The following XKR6 variants were observed in gnomAD, a reference collection of about 807,000 sequenced individuals.
XKR6 encodes XK-related protein 6.
XKR6 carries 22 observed loss-of-function variants against 56.7 expected under a neutral mutation model. The ratio of observed to expected loss-of-function variants is 0.39; its 90% CI spans 0.28 to 0.55. The LOEUF (loss-of-function observed/expected upper bound fraction) is 0.55, where lower values mean the gene tolerates loss of function less well. Among genes scored for constraint, XKR6 ranks in the 20% least tolerant of loss-of-function variants. The pLI, the probability that XKR6 is intolerant of heterozygous loss-of-function variation, is 0.66. For synonymous variants in XKR6, 524 were observed against 387.8 expected, an observed-to-expected ratio of 1.35 and a Z score of -4.13; for missense variants, 852 against 889.0, an observed-to-expected ratio of 0.96 and a Z score of 0.53.
chr8:11,062,308 G>C (rs1348743335), intron 1 of XKR6, among the ~76,000 whole-genome samples: 2 of 152,068 alleles, frequency 1.3e-5, no homozygotes, highest in Non-Finnish European at 2.9e-5. Context: ...CTTCTCAAAA[G>C]ACCCAGGGGG....
chr8:11,132,625 G>T (rs544316522), intron 1 of XKR6, among the ~76,000 whole-genome samples: 124 of 152,152 alleles, frequency 8.1e-4, no homozygotes, highest in African/African-American at 2.8e-3. Context: ...ATCTCCCAAA[G>T]TGCTGGGATG....
chr8:10,899,624 A>G (rs979291178), intron 2 of XKR6, among the ~76,000 whole-genome samples: 2 of 152,126 alleles, frequency 1.3e-5, no homozygotes, highest in African/African-American at 2.4e-5. Context: ...CTGCTGCTCA[A>G]TGTGCTCTTA....
At chr8:11,106,147 G>T (rs191042417) in intron 1 of XKR6, 5 of 152,158 alleles carry the variant, frequency 3.3e-5, no homozygotes, top group Admixed American at 2.0e-4. Flanking sequence ...TTAAGGTTAT[G>T]TTAGTTTTTA....
At chr8:10,974,304 T>A (rs909285571) in intron 1 of XKR6, among the ~76,000 whole-genome samples, 2 of 152,226 alleles carry the variant, frequency 1.3e-5, no homozygotes, top group African/African-American at 4.8e-5. Flanking sequence ...AGAGGGCCTG[T>A]GCCTGGTGGG....
intron 1 of XKR6, among the ~76,000 whole-genome samples, chr8:11,187,656 T>C (rs1803346846): frequency 6.6e-6 from 1 of 152,098 alleles, no homozygotes; most frequent in South Asian, 2.1e-4. Flanking sequence ...AAATCAGTCA[T>C]ATCAAAGCAC....
intron 1 of XKR6, among the ~76,000 whole-genome samples, chr8:11,025,635 G>A (rs1362622828): frequency 6.6e-6 from 1 of 152,218 alleles, no homozygotes; most frequent in Non-Finnish European, 1.5e-5. Flanking sequence ...GTGTTTGCAT[G>A]GGCCTCTGAT....
intron 2 of XKR6, among the ~76,000 whole-genome samples, chr8:10,899,465 C>A (rs1249257349): frequency 6.6e-6 from 1 of 152,210 alleles, no homozygotes; most frequent in African/African-American, 2.4e-5. Context: ...CTTTCCTGAA[C>A]CTTCTTCCAG....
At chr8:10,918,325 C>T (rs924638439) in intron 2 of XKR6, among the ~76,000 whole-genome samples, 7 of 152,208 alleles carry the variant, frequency 4.6e-5, no homozygotes, top group African/African-American at 1.7e-4. Flanking sequence ...CTGGAAGACT[C>T]AGGACATTTG....
At chr8:11,184,807 C>T (rs1346024359) in intron 1 of XKR6, among the ~76,000 whole-genome samples, 1 of 152,166 alleles carries the variant, frequency 6.6e-6, no homozygotes, top group African/African-American at 2.4e-5. Flanking sequence ...GCTGGGAATA[C>T]AGGTGTGAGC....
intron 1 of XKR6, chr8:11,123,705 G>C: frequency 2.7e-6 from 1 of 366,184 alleles, no homozygotes; most frequent in South Asian, 2.0e-5. Context: ...TATTTTTCAA[G>C]AGGCTGAATC....
chr8:10,911,579 G>C (rs556452861), intron 2 of XKR6, among the ~76,000 whole-genome samples: 2 of 146,034 alleles, frequency 1.4e-5, no homozygotes, highest in South Asian at 2.2e-4. Flanking sequence ...TATATAGAGA[G>C]AGAGAGGAAG....
chr8:10,984,860 A>G (rs2129138457), intron 1 of XKR6, among the ~76,000 whole-genome samples: 1 of 151,586 alleles, frequency 6.6e-6, no homozygotes, highest in East Asian at 1.9e-4. Context: ...CCAACATTGT[A>G]AAGTTGTTGA....
chr8:10,963,084 A>T (rs1802112329), intron 1 of XKR6, among the ~76,000 whole-genome samples: 2 of 152,186 alleles, frequency 1.3e-5, no homozygotes, highest in South Asian at 4.1e-4. Context: ...ACAGCGCCAG[A>T]CCAAGCACAT....
At chr8:11,115,187 T>A (rs1799114929) in intron 1 of XKR6, among the ~76,000 whole-genome samples, 1 of 152,234 alleles carries the variant, frequency 6.6e-6, no homozygotes, top group Non-Finnish European at 1.5e-5. Flanking sequence ...TTGCTGTCAA[T>A]GACCTCAACT....
At chr8:11,093,986 G>A (rs767683095) in intron 1 of XKR6, among the ~76,000 whole-genome samples, 26 of 151,570 alleles carry the variant, frequency 1.7e-4, no homozygotes, top group Admixed American at 3.9e-4. Context: ...GGGTTTCACC[G>A]TGTTAGCCCG....
intron 1 of XKR6, among the ~76,000 whole-genome samples, chr8:11,076,858 A>G (rs939617492): frequency 6.6e-6 from 1 of 152,164 alleles, no homozygotes; most frequent in Admixed American, 6.5e-5. Context: ...TACAAGTAAT[A>G]GTTTGATTCC....
intron 1 of XKR6, among the ~76,000 whole-genome samples, chr8:11,005,225 C>T (rs766435689): frequency 3.9e-5 from 6 of 152,026 alleles, no homozygotes; most frequent in African/African-American, 4.8e-5. Flanking sequence ...CATCATGCTG[C>T]TCAACATGGC....
At chr8:11,087,348 C>A (rs1261243999) in intron 1 of XKR6, among the ~76,000 whole-genome samples, 1 of 152,208 alleles carries the variant, frequency 6.6e-6, no homozygotes. Context: ...TTCCTTTCCA[C>A]CCCTCGGGGA....
chr8:11,080,381 A>G (rs11250115), intron 1 of XKR6, among the ~76,000 whole-genome samples: 33,642 of 151,592 alleles, frequency 0.22, 4,104 homozygotes, highest in African/African-American at 0.32. Flanking sequence ...GGGAAGGAGA[A>G]AAAAAAAAGA....
Sources: gnomAD v4.1 joint callset for allele counts (sites outside exome capture counted in the v4.1 genomes callset) on GRCh38, gnomAD v4.1.1 for gene constraint, MANE v1.5 for transcripts, NCBI Gene and HGNC (gene_info 2026-07-23, HGNC 2026-07-21) for gene names.